Variants in SRRM1 observed in about 807,000 individuals in gnomAD.
SRRM1 encodes serine and arginine repetitive matrix 1.
In SRRM1, 19 loss-of-function variants were observed where a neutral mutation model predicts 110.2. The observed-to-expected ratio is 0.17, with a 90% confidence interval of 0.12 to 0.25. SRRM1 has a LOEUF of 0.25. SRRM1 is among the 10% of genes least tolerant of loss of function. The pLI is 1.00. For missense variants in SRRM1, 918 were observed against 1,145.8 expected, an observed-to-expected ratio of 0.80 and a Z score of 2.87; for synonymous variants, 443 against 414.9, an observed-to-expected ratio of 1.07 and a Z score of -0.82.
intron 9 of SRRM1, among the ~76,000 whole-genome samples, chr1:24,655,641 T>G (rs1663660732): frequency 6.6e-6 from 1 of 152,228 alleles, no homozygotes; most frequent in South Asian, 2.1e-4. Context: ...TGTCCTTGCT[T>G]TATTCTGCAG....
intron 3 of SRRM1, 132 bp from the exon 4 acceptor site, chr1:24,648,727 G>T: frequency 1.4e-6 from 1 of 698,982 alleles, no homozygotes; most frequent in East Asian, 2.7e-5. Flanking sequence ...AAAATAGTAA[G>T]GACTATATAT....
intron 9 of SRRM1, among the ~76,000 whole-genome samples, chr1:24,660,320 A>T (rs1223176887): frequency 6.6e-6 from 1 of 152,224 alleles, no homozygotes; most frequent in Non-Finnish European, 1.5e-5. Context: ...TCTTGGGAGA[A>T]TCTCAAGATT....
At chr1:24,651,735 T>G in intron 6 of SRRM1, 123 bp downstream of exon 6, 1 of 849,126 alleles carries the variant, frequency 1.2e-6, no homozygotes, top group Admixed American at 2.9e-5. Flanking sequence ...ATTATAAAAT[T>G]AGTTTGTTGA....
intron 14 of SRRM1, 79 bp from the exon 15 acceptor site, chr1:24,670,041 G>GT: frequency 4.8e-6 from 6 of 1,255,584 alleles, no homozygotes; most frequent in Non-Finnish European, 6.6e-6. Context: ...TAACCTGGTT[G>GT]TACAGTGTAG....
rs368007868 is a variant in SRRM1, at chr1:24,650,104, C to T, written c.521+18C>T. 6.6e-7 allele frequency: 1 copy of T among 1,522,696 alleles called. No individual in the cohort carries two copies. The highest frequency in any genetic ancestry group is 2.4e-5 in the Admixed American group (1 of 42,056). 94.3% of individuals were successfully genotyped at this position (1,522,696 alleles called of 1,614,324 possible). A position where few individuals can be genotyped will look rare whatever the true frequency, so the allele number is the denominator to read the frequency against. ...CCAAGAAGGTATCATACAATAGATGCATAACTGATGTTTTACAGGTACTTT... is the reference window on the plus strand; with the variant it reads ...CCAAGAAGGTATCATACAATAGATGTATAACTGATGTTTTACAGGTACTTT... On this transcript the variant is annotated intron_variant, in intron 5 of 16. Coordinates refer to ENST00000323848, the MANE Select transcript of SRRM1 (RefSeq NM_005839.4).
intron 12 of SRRM1, chr1:24,663,108 A>G: frequency 7.6e-7 from 1 of 1,312,404 alleles, no homozygotes; most frequent in East Asian, 2.6e-5. Context: ...GTCTCCATTA[A>G]TGGTACTTAA....
rs748037175 is a variant in SRRM1 at position 24,643,344 on chromosome 1, C to T, written c.18C>T (p.Phe6=). Residue 6 remains phenylalanine, a synonymous_variant, in exon 1 of 17, where the codon TTC becomes TTT. Coordinates refer to ENST00000323848, the MANE Select transcript of SRRM1 (RefSeq NM_005839.4). MDAGF[F]RGTSAEQDNR... ...GCGGCAAGATGGACGCGGGATTTTT[C>T]CGCGTAAGTAGAAGCGCCGGGCGCC... The T allele has an allele frequency of 1.9e-6, 3 of 1,553,708 alleles. No homozygotes were observed. The highest frequency in any genetic ancestry group is 1.4e-5 in the African/African-American group (1 of 69,916).
chr1:24,652,348 A>G, intron 6 of SRRM1, 86 bp from the exon 7 acceptor site: 1 of 992,770 alleles, frequency 1.0e-6, no homozygotes, highest in Non-Finnish European at 1.4e-6. Context: ...AAAGTTTTAG[A>G]AATACTTTAT....
At chr1:24,653,559 T>C (rs2148399513) in intron 8 of SRRM1, among the ~76,000 whole-genome samples, 1 of 152,374 alleles carries the variant, frequency 6.6e-6, no homozygotes, top group Non-Finnish European at 1.5e-5. Flanking sequence ...GGAATATATC[T>C]ATATTCCATA....
chr1:24,649,596 C>T (rs1393994923), intron 4 of SRRM1, among the ~76,000 whole-genome samples: 3 of 152,340 alleles, frequency 2.0e-5, no homozygotes, highest in Non-Finnish European at 4.4e-5. Context: ...CGTGAGCCAC[C>T]GTGCCCAGCC....
chr1:24,653,165 GTC>G, intron 8 of SRRM1, 133 bp downstream of exon 8: 1 of 858,270 alleles, frequency 1.2e-6, no homozygotes, highest in South Asian at 2.2e-5. Context: ...CTTCTAAAGA[GTC>G]TGTTTCATTT....
At chr1:24,644,132 A>G (rs4617346) in intron 1 of SRRM1, among the ~76,000 whole-genome samples, 11,710 of 152,086 alleles carry the variant, frequency 0.077, 942 homozygotes, top group African/African-American at 0.2. Context: ...GGTGAAAGGT[A>G]ACTCTTACCT....
intron 3 of SRRM1, 135 bp downstream of exon 3, chr1:24,646,924 G>A (rs1477536312): frequency 1.0e-5 from 7 of 700,644 alleles, no homozygotes; most frequent in Non-Finnish European, 1.1e-5. Flanking sequence ...AATTCACTTT[G>A]TAAACAACTA....
rs138965957 is a variant in SRRM1, at chr1:24,656,372, A to G, written c.1315+1243A>G. ...TTCTGAATTGTGACATTTTTATTGT[A>G]GTGATAGGTTCATTAAATAAGACAT... On this transcript the variant is annotated intron_variant, in intron 9 of 16. Coordinates refer to ENST00000323848, the MANE Select transcript of SRRM1 (RefSeq NM_005839.4). Among the ~76,000 whole-genome samples, 174 of 152,312 alleles carry G rather than the reference A, an allele frequency of 1.1e-3. 1 individual carries two copies. Among genetic ancestry groups the G allele is most frequent in the African/African-American group, 4.0e-3 (168 of 41,584 alleles).
At chr1:24,670,079 T>A in intron 14 of SRRM1, 41 bp from the exon 15 acceptor site, 1 of 1,500,574 alleles carries the variant, frequency 6.7e-7, no homozygotes, top group Non-Finnish European at 8.9e-7. Context: ...TGAAGAGAGA[T>A]GGCTGTTCTC....
intron 12 of SRRM1, chr1:24,663,253 G>T (rs1274596118): frequency 2.0e-6 from 3 of 1,467,286 alleles, no homozygotes; most frequent in African/African-American, 1.4e-5. Context: ...TGTAAATTAG[G>T]GTTACATGTC....
intron 3 of SRRM1, chr1:24,647,655 G>A (rs1337331364): frequency 1.3e-5 from 2 of 152,596 alleles, no homozygotes; most frequent in African/African-American, 4.8e-5. Context: ...TTCCCCCAAA[G>A]AGTTCACCCT....
At chr1:24,652,089 G>A (rs1477918082) in intron 6 of SRRM1, among the ~76,000 whole-genome samples, 5 of 125,438 alleles carry the variant, frequency 4.0e-5, no homozygotes, top group South Asian at 2.8e-4. Context: ...CAAATTAGCC[G>A]GGCATGGTTG....
chr1:24,646,653 CTA>C lies in SRRM1; in HGVS notation c.112-12_112-11del, dbSNP rs1657866716. The C allele has an allele frequency of 9.6e-6, 15 of 1,567,786 alleles. No individual in the cohort carries two copies. Among genetic ancestry groups the C allele is most frequent in the Non-Finnish European group, 1.3e-5 (15 of 1,163,604 alleles). On this transcript the variant is annotated splice_polypyrimidine_tract_variant and intron_variant, in intron 2 of 16. Coordinates refer to ENST00000323848, the MANE Select transcript of SRRM1 (RefSeq NM_005839.4). ...ATTGTGAAGTTGTACTTAATTGTTT[CTA>C]TGTTTCATCAGGTGGACATGAGCAA...
Sources: gnomAD v4.1 joint callset for allele counts (sites outside exome capture counted in the v4.1 genomes callset) on GRCh38, gnomAD v4.1.1 for gene constraint, MANE v1.5 for transcripts, NCBI Gene and HGNC (gene_info 2026-07-23, HGNC 2026-07-21) for gene names.